Variants in ZNF536 observed in about 807,000 individuals in gnomAD.
ZNF536 encodes the protein zinc finger protein 536.
In ZNF536, 13 loss-of-function variants were observed where a neutral mutation model predicts 84.5. That is an observed-to-expected ratio of 0.15 (90% CI 0.10 to 0.24). The LOEUF is 0.24. Among genes scored for constraint, ZNF536 ranks in the 10% least tolerant of loss-of-function variants. The pLI is 1.00. For synonymous variants in ZNF536, 811 were observed against 742.5 expected, an observed-to-expected ratio of 1.09 and a Z score of -1.50; for missense variants, 1,536 against 1,747.5, an observed-to-expected ratio of 0.88 and a Z score of 2.16.
chr19:30,630,152 A>G (rs980767368), intron 1 of ZNF536, among the ~76,000 whole-genome samples: 2 of 152,226 alleles, frequency 1.3e-5, no homozygotes, highest in Admixed American at 1.3e-4. Context: ...ACAGCTGGTA[A>G]CTTGCTGGGT....
chr19:30,567,740 C>T (rs1420298820), intron 1 of ZNF536, among the ~76,000 whole-genome samples: 1 of 152,130 alleles, frequency 6.6e-6, no homozygotes, highest in Non-Finnish European at 1.5e-5. Context: ...TTGTGCCGGA[C>T]TCTGACCAAA....
At chr19:30,384,217 TC>T (rs1568378464) in intron 1 of ZNF536, among the ~76,000 whole-genome samples, 4 of 31,938 alleles carry the variant, frequency 1.3e-4, no homozygotes, top group African/African-American at 2.4e-4. Context: ...CCTCCCTCCC[TC>T]CCTCCCTCCC....
intron 1 of ZNF536, among the ~76,000 whole-genome samples, chr19:30,673,745 C>T (rs570184225): frequency 2.0e-4 from 30 of 152,340 alleles, no homozygotes; most frequent in African/African-American, 4.8e-4. Flanking sequence ...AAACCGTGCA[C>T]GGACGCACGT....
At chr19:30,225,696 G>GT (rs1555768695), upstream of ZNF536, among the ~76,000 whole-genome samples, 2 of 141,292 alleles carry the variant, frequency 1.4e-5, no homozygotes, top group Non-Finnish European at 3.1e-5. Flanking sequence ...GTGGGGGGGG[G>GT]ATCGCGGGGC....
At chr19:30,600,918 A>C (rs2047661613) in intron 1 of ZNF536, among the ~76,000 whole-genome samples, 1 of 152,222 alleles carries the variant, frequency 6.6e-6, no homozygotes. Context: ...GGAAAAGTGA[A>C]CGCTTGTTTT....
At chr19:30,661,978 T>C (rs1280866453) in intron 1 of ZNF536, among the ~76,000 whole-genome samples, 1 of 152,226 alleles carries the variant, frequency 6.6e-6, no homozygotes, top group Non-Finnish European at 1.5e-5. Context: ...ATTTTCCAAA[T>C]ATTCTATGTG....
intron 1 of ZNF536, among the ~76,000 whole-genome samples, chr19:30,410,700 G>C (rs1012691354): frequency 6.6e-6 from 1 of 151,726 alleles, no homozygotes; most frequent in African/African-American, 2.4e-5. Context: ...GGATGGTCTC[G>C]ATCTCCTGAC....
At chr19:30,607,870 C>CT (rs926939131) in intron 1 of ZNF536, among the ~76,000 whole-genome samples, 3 of 151,980 alleles carry the variant, frequency 2.0e-5, no homozygotes. Context: ...CTGCACTTTG[C>CT]TTTTTTTCAC....
rs549969776 is a variant in ZNF536 at position 30,437,147 on chromosome 19, A to C, written c.-2-6414A>C. ...AGATCTATATTTTTTTGGACTATTCATAAGATTACTTTTTTTTTTCTGTGC... is the reference window on the plus strand; with the variant it reads ...AGATCTATATTTTTTTGGACTATTCCTAAGATTACTTTTTTTTTTCTGTGC... On this transcript the variant is annotated intron_variant, in intron 1 of 4. Transcript: ENST00000355537. Among the ~76,000 whole-genome samples, 9 of 152,256 alleles carry C rather than the reference A, an allele frequency of 5.9e-5. No individual in the cohort carries two copies. In the South Asian group the frequency reaches 1.9e-3, roughly 32 times the overall value.
intron 1 of ZNF536, among the ~76,000 whole-genome samples, chr19:30,594,423 C>T (rs1433578119): frequency 6.6e-6 from 1 of 152,202 alleles, no homozygotes; most frequent in Admixed American, 6.5e-5. Flanking sequence ...CTCTTCTTTC[C>T]CTCCTCAGTC....
intron 2 of ZNF536, among the ~76,000 whole-genome samples, chr19:30,300,944 G>T (rs1418613892): frequency 6.6e-6 from 1 of 152,180 alleles, no homozygotes; most frequent in Non-Finnish European, 1.5e-5. Flanking sequence ...GCTTCCCCTG[G>T]ACTATTTCTG....
chr19:30,494,876 G>A (rs2054652431), intron 2 of ZNF536, among the ~76,000 whole-genome samples: 1 of 150,154 alleles, frequency 6.7e-6, no homozygotes, highest in African/African-American at 2.5e-5. Flanking sequence ...AACCTGGGAG[G>A]TGGAGGTTGC....
intron 1 of ZNF536, among the ~76,000 whole-genome samples, chr19:30,624,846 G>A (rs1212721057): frequency 6.6e-6 from 1 of 152,172 alleles, no homozygotes; most frequent in Admixed American, 6.6e-5. Flanking sequence ...CTCCCATGCT[G>A]TTCTAGTGAT....
intron 2 of ZNF536, among the ~76,000 whole-genome samples, chr19:30,337,812 TG>T (rs1163989693): frequency 6.6e-6 from 1 of 152,162 alleles, no homozygotes. Context: ...TAATAACGCA[TG>T]GAAGTTGAAG....
chr19:30,524,925 A>T (rs2044513707), intron 2 of ZNF536, among the ~76,000 whole-genome samples: 1 of 152,188 alleles, frequency 6.6e-6, no homozygotes, highest in South Asian at 2.1e-4. Flanking sequence ...CAAATATTTT[A>T]TTATAATTAT....
In ZNF536 at chr19:30,339,209, C is replaced by T. The variant is rs774436866; in HGVS notation, c.-119-13159C>T. ...AGCGTCCCAGATTTAAATTTGGAATCCGCACGGAATTGTGCCAGCCTGCCT... is the reference window on the plus strand; with the variant it reads ...AGCGTCCCAGATTTAAATTTGGAATTCGCACGGAATTGTGCCAGCCTGCCT... On this transcript the variant is annotated intron_variant, in intron 2 of 5. Coordinates refer to the ZNF536 transcript ENST00000585628. Among the ~76,000 whole-genome samples, 21 of 152,194 alleles carry T rather than the reference C, an allele frequency of 1.4e-4. 1 individual carries two copies. Among genetic ancestry groups the T allele is most frequent in the Non-Finnish European group, 2.9e-4 (20 of 68,036 alleles).
intron 1 of ZNF536, among the ~76,000 whole-genome samples, chr19:30,628,360 C>T (rs1381285104): frequency 6.6e-6 from 1 of 152,140 alleles, no homozygotes; most frequent in Non-Finnish European, 1.5e-5. Context: ...AACAGACATA[C>T]AGCTCTGCAC....
At chr19:30,423,346 T>G (rs2051064624) in intron 1 of ZNF536, among the ~76,000 whole-genome samples, 1 of 152,122 alleles carries the variant, frequency 6.6e-6, no homozygotes. Context: ...TATTCAGTAT[T>G]AAACAATAGC....
At position 30,535,016 on chromosome 19, in the gene ZNF536, C is replaced by T. The variant is rs2145939714; in HGVS notation, c.2323+17C>T. 6.2e-7 allele frequency: 1 copy of T among 1,601,714 alleles called. No individual in the cohort carries two copies. The highest frequency in any genetic ancestry group is 8.5e-7 in the Non-Finnish European group (1 of 1,172,962). The stretch of plus-strand genomic sequence containing the variant: ...TACACACAGGTGAGAAGTCTGAGTG[C>T]ATCCAGGGGCACAGCCCAGAGAAGG... On this transcript the variant is annotated intron_variant, in intron 3 of 4. Transcript: ENST00000355537.
Sources: allele counts gnomAD v4.1 joint callset (sites outside exome capture counted in the v4.1 genomes callset), GRCh38; gene constraint gnomAD v4.1.1; transcripts MANE v1.5; gene names NCBI Gene and HGNC (gene_info 2026-07-23, HGNC 2026-07-21).